The following LARP1 variants were observed in gnomAD, a reference collection of about 807,000 sequenced individuals.
LARP1 encodes the protein la-related protein 1.
In LARP1, 36 loss-of-function variants were observed where a neutral mutation model predicts 122.7. The ratio of observed to expected loss-of-function variants is 0.29; its 90% CI spans 0.22 to 0.39. The LOEUF (loss-of-function observed/expected upper bound fraction) is 0.39, where lower values mean the gene tolerates loss of function less well. LARP1 is among the 10% of genes least tolerant of loss of function. The pLI is 1.00. For synonymous variants in LARP1, 539 were observed against 528.7 expected (o/e 1.02, Z -0.27); for missense variants, 1,040 against 1,403.6 (o/e 0.74, Z 4.14).
At chr5:154,714,891 A>C (rs1310979544) in intron 1 of LARP1, among the ~76,000 whole-genome samples, 1 of 152,220 alleles carries the variant, frequency 6.6e-6, no homozygotes, top group Non-Finnish European at 1.5e-5. Flanking sequence ...AATGAAATTA[A>C]AAATGAAGCC....
chr5:154,752,469 A>T (rs1021111126), upstream of LARP1, among the ~76,000 whole-genome samples: 16 of 151,728 alleles, frequency 1.1e-4, no homozygotes, highest in Non-Finnish European at 1.8e-4. Context: ...TCTTGAACTC[A>T]TGACCTCAGG....
At chr5:154,777,483 T>A (rs1472124696) in intron 1 of LARP1, among the ~76,000 whole-genome samples, 2 of 152,152 alleles carry the variant, frequency 1.3e-5, no homozygotes, top group Admixed American at 1.3e-4. Flanking sequence ...ATCACGCCAC[T>A]GCACTCCAGC....
chr5:154,812,061 C>T (rs1249193874), intron 18 of LARP1, among the ~76,000 whole-genome samples: 1 of 152,176 alleles, frequency 6.6e-6, no homozygotes, highest in African/African-American at 2.4e-5. Flanking sequence ...ACGGTGACAT[C>T]CAGTGGCAGG....
chr5:154,782,360 G>A (rs1370981938), intron 1 of LARP1, among the ~76,000 whole-genome samples: 1 of 152,202 alleles, frequency 6.6e-6, no homozygotes, highest in African/African-American at 2.4e-5. Flanking sequence ...CAGCTGTGTT[G>A]ATTATTGATC....
chr5:154,697,971 A>G (rs891031629), intron 1 of LARP1, among the ~76,000 whole-genome samples: 132 of 151,886 alleles, frequency 8.7e-4, no homozygotes, highest in African/African-American at 3.1e-3. Flanking sequence ...GACTGCAGTC[A>G]TGTACCACTA....
chr5:154,742,015 A>G (rs577887706), intron 1 of LARP1, among the ~76,000 whole-genome samples: 17 of 152,300 alleles, frequency 1.1e-4, no homozygotes, highest in African/African-American at 4.1e-4. Context: ...TAATGAACCT[A>G]GAGATATGTC....
chr5:154,783,486 T>C (rs1756625793), intron 1 of LARP1, among the ~76,000 whole-genome samples: 1 of 152,224 alleles, frequency 6.6e-6, no homozygotes, highest in African/African-American at 2.4e-5. Flanking sequence ...ATTGAGAAAC[T>C]GTCCTGTTGG....
intron 7 of LARP1, among the ~76,000 whole-genome samples, 186 bp from the exon 8 acceptor site, chr5:154,794,989 G>GGT (rs1479745663): frequency 1.3e-5 from 2 of 152,180 alleles, no homozygotes; most frequent in Non-Finnish European, 2.9e-5. Context: ...ACCCAAGCAA[G>GGT]GTAGGGTGTC....
chr5:154,811,361 G>T lies in LARP1; in HGVS notation c.2953+5G>T. ...CGGTGAAGGACTATGAAGCTGGTAA[G>T]AGCCAGAGTTGGATCTGAGTGAGGC... On this transcript the variant is annotated splice_donor_5th_base_variant and intron_variant, in intron 17 of 18. Transcript: ENST00000518297. 1 of 1,613,926 alleles carries T rather than the reference G, an allele frequency of 6.2e-7. No individual in the cohort carries two copies. The highest frequency in any genetic ancestry group is 2.2e-5 in the East Asian group (1 of 44,886).
At chr5:154,747,321 GAAAA>G (rs1315063136) in intron 1 of LARP1, among the ~76,000 whole-genome samples, 97 of 146,596 alleles carry the variant, frequency 6.6e-4, no homozygotes, top group African/African-American at 2.3e-3. Flanking sequence ...AAAAAAAAAA[GAAAA>G]AGAAAAAAGG....
At chr5:154,794,635 G>A (rs150392356) in intron 7 of LARP1, among the ~76,000 whole-genome samples, 2 of 152,290 alleles carry the variant, frequency 1.3e-5, no homozygotes, top group East Asian at 3.9e-4. Flanking sequence ...TAGTCCTGCA[G>A]TTCTTATCTG....
chr5:154,713,822 G>T (rs1223577756), intron 1 of LARP1, among the ~76,000 whole-genome samples: 3 of 152,178 alleles, frequency 2.0e-5, no homozygotes, highest in African/African-American at 7.2e-5. Flanking sequence ...TCCCCACAGT[G>T]AGTTTACCCC....
intron 1 of LARP1, among the ~76,000 whole-genome samples, chr5:154,732,877 A>G (rs776945565): frequency 2.0e-5 from 3 of 152,218 alleles, no homozygotes; most frequent in Non-Finnish European, 4.4e-5. Context: ...GAGATAAATT[A>G]TATCATTAAA....
At chr5:154,718,201 C>A (rs1224680821) in intron 1 of LARP1, among the ~76,000 whole-genome samples, 1 of 152,176 alleles carries the variant, frequency 6.6e-6, no homozygotes, top group Non-Finnish European at 1.5e-5. Flanking sequence ...GGATTATAGG[C>A]AGAGCCACCT....
At chr5:154,709,919 G>C (rs1297443559), upstream of LARP1, among the ~76,000 whole-genome samples, 1 of 152,116 alleles carries the variant, frequency 6.6e-6, no homozygotes, top group African/African-American at 2.4e-5. Context: ...CCGCTCCCCA[G>C]TGCTAGCATC....
rs988471126 is a variant in LARP1, at chr5:154,814,832, C to G, written c.*736C>G. 6.6e-6 allele frequency: 1 copy of G among 150,738 alleles called. No individual in the cohort carries two copies. The highest frequency in any genetic ancestry group is 1.5e-5 in the Non-Finnish European group (1 of 67,794). 9.3% of individuals were successfully genotyped at this position (150,738 alleles called of 1,614,324 possible). A position where few individuals can be genotyped will look rare whatever the true frequency, so the allele number is the denominator to read the frequency against. On this transcript the variant is annotated 3_prime_UTR_variant, in exon 19 of 19. Transcript: ENST00000518297. The stretch of plus-strand genomic sequence containing the variant: ...GAAAGATGTTTTATTTTATTTTTCT[C>G]TGACCTTTCCATCCTTGAAAAAATG...
Position 154,748,046 on chromosome 5 carries a change from T to C in LARP1, c.205+34916T>C, listed in dbSNP as rs147048615. On this transcript the variant is annotated intron_variant, in intron 1 of 18. Transcript: ENST00000336314. The stretch of plus-strand genomic sequence containing the variant: ...TTTATTTTTCTTACAGACGGGGTCT[T>C]AGTATATTGGCCACGCTTGTCCTGA... 2.5e-3 allele frequency among the ~76,000 whole-genome samples: 382 copies of C among 152,256 alleles called. 1 individual carries two copies. The highest frequency in any genetic ancestry group is 9.0e-3 in the African/African-American group (375 of 41,544).
At chr5:154,691,254 T>G (rs1481516553) in intron 1 of LARP1, among the ~76,000 whole-genome samples, 3 of 105,264 alleles carry the variant, frequency 2.8e-5, no homozygotes, top group African/African-American at 1.3e-4. Context: ...AGAGGGAGAC[T>G]CCGTCTCAAA....
At chr5:154,813,376 G>A (rs1759443776) in intron 18 of LARP1, among the ~76,000 whole-genome samples, 1 of 152,154 alleles carries the variant, frequency 6.6e-6, no homozygotes, top group African/African-American at 2.4e-5. Flanking sequence ...CTGGAGCATG[G>A]TCTGAGTCTT....
Sources: gnomAD v4.1 joint callset for allele counts (sites outside exome capture counted in the v4.1 genomes callset) on GRCh38, gnomAD v4.1.1 for gene constraint, MANE v1.5 for transcripts, NCBI Gene and HGNC (gene_info 2026-07-23, HGNC 2026-07-21) for gene names.